NRXN3: variants seen among roughly 807,000 people sequenced by gnomAD.
NRXN3 encodes neurexin 3, also known as neurexin III.
Under a neutral mutation model 137.6 loss-of-function variants are expected in NRXN3, and 32 were observed. The observed-to-expected ratio is 0.23, with a 90% confidence interval of 0.18 to 0.31. NRXN3 has a LOEUF of 0.31. Ranked by LOEUF, NRXN3 falls within the 10% of genes least tolerant of loss-of-function variation. NRXN3 has a pLI of 1.00. For missense variants in NRXN3, 1,574 were observed against 2,062.5 expected (o/e 0.76, Z 4.59); for synonymous variants, 798 against 784.5 (o/e 1.02, Z -0.29).
intron 15 of NRXN3, among the ~76,000 whole-genome samples, chr14:79,008,668 T>A (rs2099561481): frequency 6.6e-6 from 1 of 151,252 alleles, no homozygotes. Context: ...TTGCTTTTTT[T>A]TTTTTTTTTT....
intron 15 of NRXN3, among the ~76,000 whole-genome samples, chr14:79,180,089 A>C (rs577206832): frequency 1.3e-5 from 2 of 152,342 alleles, no homozygotes; most frequent in South Asian, 4.1e-4. Context: ...CAATCATAAA[A>C]ATAATAATAA....
chr14:79,371,909 GA>G (rs1416835350), intron 15 of NRXN3, among the ~76,000 whole-genome samples: 1 of 152,086 alleles, frequency 6.6e-6, no homozygotes, highest in Non-Finnish European at 1.5e-5. Flanking sequence ...TTCCACAAAG[GA>G]AACTCTTTAA....
intron 4 of NRXN3, among the ~76,000 whole-genome samples, chr14:78,339,013 G>T (rs2081844045): frequency 6.6e-6 from 1 of 152,058 alleles, no homozygotes; most frequent in Admixed American, 6.6e-5. Context: ...CAACAAAAGG[G>T]GAATATTATG....
chr14:79,510,017 G>A (rs1364167338), intron 16 of NRXN3, among the ~76,000 whole-genome samples: 1 of 152,134 alleles, frequency 6.6e-6, no homozygotes, highest in Non-Finnish European at 1.5e-5. Context: ...CACAGATGTG[G>A]GGAATACCTA....
chr14:79,125,193 TCTC>T (rs1484739114), intron 15 of NRXN3, among the ~76,000 whole-genome samples: 1 of 152,172 alleles, frequency 6.6e-6, no homozygotes, highest in Non-Finnish European at 1.5e-5. Context: ...CGACTCAACA[TCTC>T]CTTCTTAGGC....
intron 19 of NRXN3, among the ~76,000 whole-genome samples, chr14:79,703,931 ATCTCCCTAGAGCTTAGCCTTCCTGTG>A (rs1210286084): frequency 6.6e-6 from 1 of 152,104 alleles, no homozygotes. Flanking sequence ...GAACTCACAG[ATCTCCCTAGAGCTTAGCCTTCCTGTG>A]GGGCTGGATA....
chr14:78,943,960 G>A (rs899763052), intron 10 of NRXN3, among the ~76,000 whole-genome samples: 1 of 151,934 alleles, frequency 6.6e-6, no homozygotes, highest in Admixed American at 6.6e-5. Context: ...GCTGACTGGG[G>A]TGTTGAAGGG....
chr14:78,252,635 C>T (rs1232942541), intron 2 of NRXN3, among the ~76,000 whole-genome samples: 3 of 152,280 alleles, frequency 2.0e-5, no homozygotes, highest in Non-Finnish European at 4.4e-5. Flanking sequence ...CCTTAGAAGA[C>T]GGAGTCCCAA....
At chr14:78,914,542 G>T (rs1459222158) in intron 10 of NRXN3, among the ~76,000 whole-genome samples, 2 of 152,076 alleles carry the variant, frequency 1.3e-5, no homozygotes, top group Admixed American at 1.3e-4. Context: ...AGGAAAGATG[G>T]GTAGGAATGA....
intron 15 of NRXN3, among the ~76,000 whole-genome samples, chr14:79,242,558 G>T (rs2074475845): frequency 6.6e-6 from 1 of 152,184 alleles, no homozygotes; most frequent in Non-Finnish European, 1.5e-5. Context: ...AAGCTGCAGT[G>T]AGGGTTGTTA....
chr14:79,493,442 A>T (rs964238855), intron 16 of NRXN3, among the ~76,000 whole-genome samples: 3 of 152,248 alleles, frequency 2.0e-5, no homozygotes, highest in African/African-American at 7.2e-5. Flanking sequence ...TCCTTGATAG[A>T]TGCATCCTGG....
chr14:78,774,084 G>A (rs1275645482), intron 8 of NRXN3, among the ~76,000 whole-genome samples: 1 of 152,024 alleles, frequency 6.6e-6, no homozygotes, highest in Non-Finnish European at 1.5e-5. Context: ...ACAGGCATGA[G>A]CCACCGCGCC....
At chr14:78,449,103 G>A (rs7152492) in intron 4 of NRXN3, among the ~76,000 whole-genome samples, 14,671 of 152,142 alleles carry the variant, frequency 0.096, 1,380 homozygotes, top group African/African-American at 0.25. Flanking sequence ...TCCCTCCGCA[G>A]CCTCCTATGA....
intron 8 of NRXN3, among the ~76,000 whole-genome samples, chr14:78,770,714 T>A (rs563378512): frequency 6.6e-5 from 10 of 152,342 alleles, no homozygotes; most frequent in African/African-American, 2.2e-4. Flanking sequence ...GTATTTTCTA[T>A]TTTGTTAAAA....
At chr14:79,735,781 G>C (rs113162302) in intron 19 of NRXN3, among the ~76,000 whole-genome samples, 1 of 152,162 alleles carries the variant, frequency 6.6e-6, no homozygotes, top group Admixed American at 6.5e-5. Flanking sequence ...TTTGGAGGAA[G>C]TATTTCTACT....
intron 19 of NRXN3, among the ~76,000 whole-genome samples, chr14:79,767,388 G>A (rs867380208): frequency 1.1e-4 from 17 of 152,220 alleles, no homozygotes; most frequent in Admixed American, 3.3e-4. Context: ...CAGCACTCAC[G>A]TTATTTTTTT....
intron 15 of NRXN3, among the ~76,000 whole-genome samples, chr14:79,315,390 A>G (rs1387326697): frequency 6.6e-6 from 1 of 152,186 alleles, no homozygotes; most frequent in Non-Finnish European, 1.5e-5. Context: ...TGCAGGACCA[A>G]TGCTCCATCC....
Position 78,803,840 on chromosome 14 carries a change from C to G in NRXN3, c.2248+17C>G. ...TTAACTTAGGTATCGTATGAAGTAC[C>G]CTCTGCCACTTCGTTTGGGCTTGTC... On this transcript the variant is annotated intron_variant, in intron 9 of 20. Coordinates refer to ENST00000335750, the MANE Select transcript of NRXN3 (RefSeq NM_001330195.2). The G allele has an allele frequency of 7.5e-6, 12 of 1,605,362 alleles. No individual in the cohort carries two copies. Among genetic ancestry groups the G allele is most frequent in the Non-Finnish European group, 1.0e-5 (12 of 1,174,584 alleles).
chr14:78,721,956 C>T (rs1025818768), intron 8 of NRXN3, among the ~76,000 whole-genome samples: 2 of 151,204 alleles, frequency 1.3e-5, no homozygotes, highest in Non-Finnish European at 2.9e-5. Context: ...TTTTAACTTC[C>T]GGTTCTGCAA....
Sources: allele counts gnomAD v4.1 joint callset (sites outside exome capture counted in the v4.1 genomes callset), GRCh38; gene constraint gnomAD v4.1.1; transcripts MANE v1.5; gene names NCBI Gene and HGNC (gene_info 2026-07-23, HGNC 2026-07-21).